CSMD1: variants seen among roughly 807,000 people sequenced by gnomAD.
CSMD1 encodes CUB and Sushi multiple domains 1.
CSMD1 carries 213 observed loss-of-function variants against 417.5 expected under a neutral mutation model. That is an observed-to-expected ratio of 0.51 (90% CI 0.46 to 0.57). The LOEUF is 0.57. CSMD1 is among the 20% of genes least tolerant of loss of function. CSMD1 has a pLI of 0.00. For missense variants in CSMD1, 6,923 were observed against 4,529.7 expected, an observed-to-expected ratio of 1.53 and a Z score of -15.17; for synonymous variants, 2,862 against 1,736.8, an observed-to-expected ratio of 1.65 and a Z score of -16.11.
intron 1 of CSMD1, among the ~76,000 whole-genome samples, chr8:4,663,776 T>A (rs1804754197): frequency 6.6e-6 from 1 of 152,172 alleles, no homozygotes; most frequent in African/African-American, 2.4e-5. Context: ...GAGAATGGAC[T>A]AATGCACTAA....
chr8:4,645,773 G>T (rs568235306), intron 1 of CSMD1, among the ~76,000 whole-genome samples: 6 of 152,156 alleles, frequency 3.9e-5, no homozygotes. Flanking sequence ...AGTGGGATTT[G>T]CCCTGTGCCT....
intron 3 of CSMD1, among the ~76,000 whole-genome samples, chr8:4,336,833 A>T (rs1249255425): frequency 1.3e-5 from 2 of 152,112 alleles, no homozygotes; most frequent in African/African-American, 4.8e-5. Context: ...AGATGGAATG[A>T]AGATGGGGTT....
chr8:3,258,475 A>G (rs1800818055), intron 26 of CSMD1, among the ~76,000 whole-genome samples: 1 of 152,232 alleles, frequency 6.6e-6, no homozygotes. Flanking sequence ...AGAGAAAGGA[A>G]CACTTAAATA....
chr8:3,779,719 C>T (rs1459757034), intron 5 of CSMD1, among the ~76,000 whole-genome samples: 2 of 152,138 alleles, frequency 1.3e-5, no homozygotes, highest in African/African-American at 4.8e-5. Context: ...TATTTTATAT[C>T]TGCAGAACAT....
At chr8:4,638,411 GC>G (rs1293270784) in intron 1 of CSMD1, among the ~76,000 whole-genome samples, 1 of 152,164 alleles carries the variant, frequency 6.6e-6, no homozygotes, top group Non-Finnish European at 1.5e-5. Flanking sequence ...AATAACATAT[GC>G]ATAAAGGAAG....
intron 1 of CSMD1, among the ~76,000 whole-genome samples, chr8:4,947,431 T>G (rs568585565): frequency 6.6e-6 from 1 of 152,002 alleles, no homozygotes; most frequent in African/African-American, 2.4e-5. Context: ...TTTTCTCACA[T>G]AGGTAAGAAA....
In CSMD1 at chr8:3,200,339, G is replaced by C. The variant is rs371438644; in HGVS notation, c.5099-530C>G. ...GGAGGCTGAAGCTGGTGGATCACTTGAGGCCAGGAGTTTGAGACCAGCCTG... is the reference window on the plus strand; with the variant it reads ...GGAGGCTGAAGCTGGTGGATCACTTCAGGCCAGGAGTTTGAGACCAGCCTG... On this transcript the variant is annotated intron_variant, in intron 32 of 69. Transcript: ENST00000635120. Among the ~76,000 whole-genome samples, 34 of 152,114 alleles carry C rather than the reference G, an allele frequency of 2.2e-4. No individual in the cohort carries two copies. In the East Asian group the frequency reaches 5.4e-3, roughly 24 times the overall value.
At chr8:4,130,174 C>G (rs546808538) in intron 3 of CSMD1, among the ~76,000 whole-genome samples, 1 of 152,064 alleles carries the variant, frequency 6.6e-6, no homozygotes, top group African/African-American at 2.4e-5. Flanking sequence ...ACATCTTTTC[C>G]TTAGTTCTTT....
At chr8:4,441,232 G>A (rs1235194583) in intron 2 of CSMD1, among the ~76,000 whole-genome samples, 7 of 143,846 alleles carry the variant, frequency 4.9e-5, no homozygotes, top group Admixed American at 1.4e-4. Context: ...TTGAGTAGCT[G>A]GAACTACAGG....
chr8:3,248,347 C>G (rs1040325941), intron 26 of CSMD1, among the ~76,000 whole-genome samples: 11 of 152,192 alleles, frequency 7.2e-5, no homozygotes, highest in Non-Finnish European at 1.6e-4. Flanking sequence ...CATGTTTACT[C>G]TTAAAATATC....
intron 2 of CSMD1, among the ~76,000 whole-genome samples, chr8:4,551,061 A>C (rs1239603635): frequency 6.6e-6 from 1 of 152,274 alleles, no homozygotes; most frequent in Admixed American, 6.5e-5. Context: ...AATTCTCAAA[A>C]CTAGATTCAC....
At chr8:4,261,170 C>T (rs926357973) in intron 3 of CSMD1, among the ~76,000 whole-genome samples, 1 of 152,086 alleles carries the variant, frequency 6.6e-6, no homozygotes, top group African/African-American at 2.4e-5. Flanking sequence ...GTTGTCTATT[C>T]TGCTAAATAA....
intron 1 of CSMD1, among the ~76,000 whole-genome samples, chr8:4,888,683 C>G (rs1476934680): frequency 6.6e-6 from 1 of 152,078 alleles, no homozygotes; most frequent in African/African-American, 2.4e-5. Flanking sequence ...AACCAGGGGT[C>G]CTTGAGGTAA....
intron 1 of CSMD1, among the ~76,000 whole-genome samples, chr8:4,640,722 T>G (rs551315829): frequency 5.9e-5 from 9 of 152,220 alleles, no homozygotes; most frequent in Non-Finnish European, 1.2e-4. Context: ...AACATGTTGT[T>G]TAACATGAAT....
At chr8:3,569,319 G>C (rs1799848875) in intron 10 of CSMD1, among the ~76,000 whole-genome samples, 1 of 152,176 alleles carries the variant, frequency 6.6e-6, no homozygotes, top group South Asian at 2.1e-4. Flanking sequence ...GATTCCGCAA[G>C]TAATTATTTT....
chr8:3,632,937 A>G lies in CSMD1; in HGVS notation c.1010-16140T>C, dbSNP rs182191117. Among the ~76,000 whole-genome samples, 82 of 152,350 alleles carry G rather than the reference A, an allele frequency of 5.4e-4. 1 individual carries two copies. In the East Asian group the frequency reaches 0.013, roughly 25 times the overall value. ...AAGGGGCTTCAAAATTATAATGATC[A>G]TTTCAGAAGTATAAATTACACTTTA... On this transcript the variant is annotated intron_variant, in intron 7 of 69. Coordinates refer to ENST00000635120, the MANE Select transcript of CSMD1 (RefSeq NM_033225.6).
At chr8:3,829,667 G>A (rs918454379) in intron 5 of CSMD1, among the ~76,000 whole-genome samples, 1 of 152,152 alleles carries the variant, frequency 6.6e-6, no homozygotes, top group Admixed American at 6.6e-5. Context: ...TGATGCAAAT[G>A]TCCTCGTATC....
Position 3,029,631 on chromosome 8 carries a change from G to C in CSMD1, c.7661-118C>G, listed in dbSNP as rs183706948. On this transcript the variant is annotated intron_variant, in intron 50 of 69. Transcript: ENST00000635120. The stretch of plus-strand genomic sequence containing the variant: ...ACTGATCTTGTTTGGCAAAGTTGAT[G>C]CCATTACGTATTATCTCAGTGTTTC... 3.9e-6 allele frequency: 3 copies of C among 765,030 alleles called. No individual in the cohort carries two copies. In the African/African-American group the frequency reaches 5.3e-5, roughly 13 times the overall value. 47.4% of individuals were successfully genotyped at this position (765,030 alleles called of 1,614,324 possible).
chr8:3,940,494 C>CCT (rs1243613334), intron 5 of CSMD1, among the ~76,000 whole-genome samples: 4 of 102,150 alleles, frequency 3.9e-5, no homozygotes, highest in Admixed American at 3.3e-4. Flanking sequence ...TAAATTATTT[C>CCT]CTCTGTGTGT....
Sources: gnomAD v4.1 joint callset for allele counts (sites outside exome capture counted in the v4.1 genomes callset) on GRCh38, gnomAD v4.1.1 for gene constraint, MANE v1.5 for transcripts, NCBI Gene and HGNC (gene_info 2026-07-23, HGNC 2026-07-21) for gene names.